The following PAXIP1 variants were observed in gnomAD, a reference collection of about 807,000 sequenced individuals.
The protein encoded by PAXIP1 is PAX interacting protein 1.
PAXIP1 carries 19 observed loss-of-function variants against 140.6 expected under a neutral mutation model. The observed-to-expected ratio is 0.14, with a 90% confidence interval of 0.09 to 0.20. The LOEUF is 0.20. PAXIP1 is among the 10% of genes least tolerant of loss of function. The pLI, the probability that PAXIP1 is intolerant of heterozygous loss-of-function variation, is 1.00. For missense variants in PAXIP1, 920 were observed against 1,208.6 expected (o/e 0.76, Z 3.54); for synonymous variants, 442 against 444.6 (o/e 0.99, Z 0.07).
chr7:154,962,228 C>A, intron 10 of PAXIP1, 93 bp downstream of exon 10: 1 of 1,374,926 alleles, frequency 7.3e-7, no homozygotes, highest in South Asian at 1.3e-5. Flanking sequence ...GACTCAGAAG[C>A]CAACGCAGGA....
chr7:154,945,858 A>G (rs1215832914), intron 20 of PAXIP1: 1 of 985,236 alleles, frequency 1.0e-6, no homozygotes, highest in Non-Finnish European at 1.2e-6. Context: ...CTGAAATAGA[A>G]AAAAGCCTAG....
Position 154,973,648 on chromosome 7 carries a change from G to A in PAXIP1, c.1074+2048C>T, listed in dbSNP as rs1337038514. On this transcript the variant is annotated intron_variant, in intron 6 of 20. Transcript: ENST00000404141. The surrounding 1 kb of genome is among the most constrained non-coding windows in gnomAD (Gnocchi z 4.0). ...CGCTGCTTAGGTGGAGGGGAGGGGA[G>A]ACAAAGATTTTGTCTGTCCCACAGC... 6.6e-6 allele frequency among the ~76,000 whole-genome samples: 1 copy of A among 152,198 alleles called. No homozygotes were observed. Among genetic ancestry groups the A allele is most frequent in the Non-Finnish European group, 1.5e-5 (1 of 68,046 alleles).
At position 154,962,387 on chromosome 7, in the gene PAXIP1, T is replaced by G. The variant is rs1330689283; in HGVS notation, c.2061A>C (p.Val687=). ...GGAAGTGAAGGGCTCGGTGCGGCGG[T>G]ACCATTTTCTTCTTCTTTAAGACTG... is the stretch of plus-strand genomic sequence containing the variant. ...LNTVLKKKKM[V]PPHRALHFPV... The change falls in exon 10 of 21, where the codon GTA becomes GTC. Residue 687 remains valine (V), a synonymous_variant. Coordinates refer to ENST00000404141, the MANE Select transcript of PAXIP1 (RefSeq NM_007349.4). 1.9e-6 allele frequency: 3 copies of G among 1,612,472 alleles called. No individual in the cohort carries two copies. The highest frequency in any genetic ancestry group is 2.5e-6 in the Non-Finnish European group (3 of 1,179,302).
chr7:155,001,020 T>A (rs1228732101), intron 1 of PAXIP1: 4 of 152,264 alleles, frequency 2.6e-5, no homozygotes, highest in Admixed American at 2.6e-4. Flanking sequence ...GCAGGTACCA[T>A]GTCCTCTTCA....
rs1367347923 is a variant in PAXIP1 at position 154,973,566 on chromosome 7, A to C, written c.1074+2130T>G. ...TAAAGGGCATGTTTGCCTCTATCTT[A>C]CTCTGGATGCCAGCCAACCGCTGTC... On this transcript the variant is annotated intron_variant, in intron 6 of 20. Coordinates refer to ENST00000404141, the MANE Select transcript of PAXIP1 (RefSeq NM_007349.4). The surrounding 1 kb of genome is among the most constrained non-coding windows in gnomAD (Gnocchi z 4.0). Among the ~76,000 whole-genome samples the C allele has an allele frequency of 6.6e-6, 1 of 151,804 alleles. No homozygotes were observed. Among genetic ancestry groups the C allele is most frequent in the Non-Finnish European group, 1.5e-5 (1 of 67,972 alleles).
chr7:154,985,990 A>C (rs534537766), intron 4 of PAXIP1: 1 of 1,359,662 alleles, frequency 7.4e-7, no homozygotes, highest in East Asian at 4.6e-5. Flanking sequence ...TCTCCATTAC[A>C]CTCTTGACCT....
chr7:154,955,460 G>T, intron 15 of PAXIP1, 69 bp downstream of exon 15: 1 of 861,772 alleles, frequency 1.2e-6, no homozygotes, highest in South Asian at 1.4e-5. Flanking sequence ...TAAAACTGCT[G>T]ATCTGAAGTA....
rs919134696 is a variant in PAXIP1, at chr7:154,986,803, G to A, written c.325-3471C>T. Among the ~76,000 whole-genome samples the A allele has an allele frequency of 3.3e-5, 5 of 152,086 alleles. No homozygotes were observed. Among genetic ancestry groups the A allele is most frequent in the African/African-American group, 7.2e-5 (3 of 41,408 alleles). On this transcript the variant is annotated intron_variant, in intron 4 of 20. Coordinates refer to ENST00000404141, the MANE Select transcript of PAXIP1 (RefSeq NM_007349.4). The surrounding 1 kb of genome is among the most constrained non-coding windows in gnomAD (Gnocchi z 4.8). Reference sequence around the variant, plus strand: ...TTCATCACGCTAAGTGATGAACTGCGGGAAGTACAGTAAGTGACCCACAAA... The same window carrying A: ...TTCATCACGCTAAGTGATGAACTGCAGGAAGTACAGTAAGTGACCCACAAA...
At chr7:154,944,726 GTC>G (rs1585028837) in intron 20 of PAXIP1, 1 of 152,168 alleles carries the variant, frequency 6.6e-6, no homozygotes, top group Admixed American at 6.5e-5. Context: ...TTAGGAAAAA[GTC>G]TGGAAAAAAT....
intron 13 of PAXIP1, among the ~76,000 whole-genome samples, chr7:154,959,231 A>G (rs1213235628): frequency 6.6e-6 from 1 of 152,228 alleles, no homozygotes; most frequent in East Asian, 1.9e-4. Context: ...TGGGCACATG[A>G]CATGGAAATC....
intron 4 of PAXIP1, 97 bp downstream of exon 4, chr7:154,990,909 C>T (rs1810300938): frequency 1.5e-6 from 1 of 645,808 alleles, no homozygotes; most frequent in African/African-American, 1.9e-5. Flanking sequence ...TAGAAAATAG[C>T]TTCTCTAAAA....
intron 6 of PAXIP1, among the ~76,000 whole-genome samples, chr7:154,972,652 G>A (rs1809381216): frequency 1.3e-5 from 2 of 152,224 alleles, no homozygotes; most frequent in Non-Finnish European, 2.9e-5. Flanking sequence ...TGAGAAAGTA[G>A]CCATTTCTCG....
chr7:154,947,804 C>T (rs1323706761), intron 17 of PAXIP1, 99 bp downstream of exon 17: 7 of 863,622 alleles, frequency 8.1e-6, no homozygotes, highest in African/African-American at 3.3e-5. Flanking sequence ...GCCCAGCTCC[C>T]CTGGAGGCGC....
Position 154,998,733 on chromosome 7 carries a change from G to C in PAXIP1, c.133C>G (p.Leu45Val). The change falls in exon 2 of 21, where the codon CTA (leucine) becomes GTA (valine). Residue 45 changes from leucine to valine, a missense_variant. Physicochemically the swap from Leu to Val is conservative, Grantham distance 32 (BLOSUM62 1). This residue lies in a region of PAXIP1 where 419 missense variants were observed against 514.7 expected (regional missense o/e 0.81). Coordinates refer to ENST00000404141, the MANE Select transcript of PAXIP1 (RefSeq NM_007349.4). ...TCCTCTGAGATTATGTGTGAGGCTA[G>C]TGCATTGTAGGAAACTTCCTTCGCT... ...GKAKEVSYNA[L>V]ASHIISEDGD... 2 of 1,613,282 alleles carry C rather than the reference G, an allele frequency of 1.2e-6. No individual in the cohort carries two copies. Among genetic ancestry groups the C allele is most frequent in the Non-Finnish European group, 1.7e-6 (2 of 1,179,424 alleles).
At chr7:154,971,035 A>C (rs889435509) in intron 6 of PAXIP1, among the ~76,000 whole-genome samples, 2 of 152,200 alleles carry the variant, frequency 1.3e-5, no homozygotes, top group Non-Finnish European at 2.9e-5. Context: ...GCTCAGGAAC[A>C]GGCACAGGAC....
intron 4 of PAXIP1, among the ~76,000 whole-genome samples, chr7:154,989,244 T>C (rs567257797): frequency 1.3e-5 from 2 of 152,310 alleles, no homozygotes; most frequent in South Asian, 4.1e-4. Flanking sequence ...TGGATCAAGT[T>C]CAGACCGGTG....
rs964986689 is a variant in PAXIP1 at position 154,963,595 on chromosome 7, A to C, written c.1989+76T>G. The stretch of plus-strand genomic sequence containing the variant: ...GAAAAAAGTTCTTTCCAAAAATAAT[A>C]ATCACTAGCATTTAAGATTGCATAT... On this transcript the variant is annotated intron_variant, in intron 9 of 20. Transcript: ENST00000404141. This position sits in a 1 kb window ranked among gnomAD's most constrained non-coding sequence, Gnocchi z 4.1. The C allele has an allele frequency of 3.9e-5, 38 of 967,228 alleles. No homozygotes were observed. The highest frequency in any genetic ancestry group is 4.2e-5 in the Non-Finnish European group (26 of 624,706). 59.9% of individuals were successfully genotyped at this position (967,228 alleles called of 1,614,324 possible).
At chr7:154,952,787 C>T (rs145604460) in intron 16 of PAXIP1, among the ~76,000 whole-genome samples, 3 of 152,298 alleles carry the variant, frequency 2.0e-5, no homozygotes, top group South Asian at 2.1e-4. Flanking sequence ...AGCATAACTA[C>T]CTGTATGACA....
At chr7:154,964,676 C>G (rs1808922350) in intron 8 of PAXIP1, 3 of 152,204 alleles carry the variant, frequency 2.0e-5, no homozygotes, top group Non-Finnish European at 4.4e-5. Flanking sequence ...CCATCTACCT[C>G]CTACTGTGGA....
Sources: allele counts gnomAD v4.1 joint callset (sites outside exome capture counted in the v4.1 genomes callset), GRCh38; gene constraint gnomAD v4.1.1; regional missense constraint gnomAD v4.1.1; non-coding constraint Gnocchi (gnomAD v3.1); transcripts MANE v1.5; gene names NCBI Gene and HGNC (gene_info 2026-07-23, HGNC 2026-07-21).